Variants in TET3 observed in about 807,000 individuals in gnomAD.
The protein encoded by TET3 is tet methylcytosine dioxygenase 3.
Under a neutral mutation model 141.4 loss-of-function variants are expected in TET3, and 19 were observed. The observed-to-expected ratio is 0.13, with a 90% CI of 0.09 to 0.20. TET3 has a LOEUF of 0.20. TET3 is among the 10% of genes least tolerant of loss of function. The probability of loss-of-function intolerance (pLI) is 1.00; values close to 1 mark genes in which losing one functional copy is unlikely to be tolerated. For synonymous variants in TET3, 1,043 were observed against 980.9 expected (o/e 1.06, Z -1.18); for missense variants, 1,874 against 2,356.9 (o/e 0.80, Z 4.24).
chr2:74,080,647 G>A (rs1689757231), intron 6 of TET3, 56 bp downstream of exon 6: 1 of 1,430,640 alleles, frequency 7.0e-7, no homozygotes, highest in African/African-American at 1.4e-5. Context: ...CTTGCTGCAT[G>A]GCCACGGCTG....
Position 74,087,758 on chromosome 2 carries a change from A to G in TET3, c.2680-72A>G, listed in dbSNP as rs532021441. On this transcript the variant is annotated intron_variant, in intron 6 of 11. Coordinates refer to ENST00000409262, the MANE Select transcript of TET3 (RefSeq NM_001287491.2). This position sits in a 1 kb window ranked among gnomAD's most constrained non-coding sequence, Gnocchi z 4.3. ...ACCTGCACCCTGGGTCTGTGTGACA[A>G]AGGGAGGGGTGGCACCATGCAGAGG... The G allele has an allele frequency of 2.0e-5, 29 of 1,427,104 alleles. No homozygotes were observed. In the African/African-American group the frequency reaches 3.8e-4, roughly 19 times the overall value. The allele number at this position is 1,427,104 out of a possible 1,614,324, so 88.4% of individuals were successfully genotyped here.
chr2:74,003,996 C>CT (rs2105151691), intron 3 of TET3, among the ~76,000 whole-genome samples: 1 of 152,224 alleles, frequency 6.6e-6, no homozygotes, highest in Admixed American at 6.5e-5. Context: ...CTTTTCAGGG[C>CT]TAAGGAGCCA....
At chr2:74,044,664 G>A (rs911386810) in intron 3 of TET3, among the ~76,000 whole-genome samples, 10 of 152,214 alleles carry the variant, frequency 6.6e-5, no homozygotes, top group Non-Finnish European at 8.8e-5. Context: ...CCAGCATCGC[G>A]AAAGTGTTGC....
chr2:74,050,474 A>G (rs1162194029), intron 4 of TET3, among the ~76,000 whole-genome samples: 2 of 152,214 alleles, frequency 1.3e-5, no homozygotes, highest in Non-Finnish European at 2.9e-5. Context: ...GTTACCATAT[A>G]TTAATTACCT....
At position 74,087,060 on chromosome 2, in the gene TET3, G is replaced by C. The variant is rs1384687469; in HGVS notation, c.2680-770G>C. Among the ~76,000 whole-genome samples the C allele has an allele frequency of 6.6e-6, 1 of 152,090 alleles. No homozygotes were observed. Among genetic ancestry groups the C allele is most frequent in the Non-Finnish European group, 1.5e-5 (1 of 68,028 alleles). On this transcript the variant is annotated intron_variant, in intron 6 of 11. Transcript: ENST00000409262. This position sits in a 1 kb window ranked among gnomAD's most constrained non-coding sequence, Gnocchi z 4.3. ...CTGTTCTGGGTGTCTCATGTCAGTG[G>C]AATCATGTACTATGTGTCCTTTTGT...
intron 2 of TET3, among the ~76,000 whole-genome samples, chr2:73,997,800 C>T (rs1558696654): frequency 6.6e-6 from 1 of 152,192 alleles, no homozygotes; most frequent in Non-Finnish European, 1.5e-5. Flanking sequence ...CACATTAACT[C>T]TGTGTGTCCT....
chr2:74,016,128 C>T (rs771006227), intron 3 of TET3, among the ~76,000 whole-genome samples: 13 of 151,642 alleles, frequency 8.6e-5, no homozygotes, highest in Non-Finnish European at 1.6e-4. Flanking sequence ...AGTGCTTTGG[C>T]AGGCCAAGGC....
In TET3 at chr2:74,100,484, C is replaced by G; in HGVS notation, c.3696C>G (p.Ser1232Arg). The G allele has an allele frequency of 6.3e-7, 1 of 1,597,188 alleles. No homozygotes were observed. Among genetic ancestry groups the G allele is most frequent in the Non-Finnish European group, 8.5e-7 (1 of 1,171,980 alleles). Residue 1232 changes from serine to arginine, a missense_variant, in exon 12 of 12, where the codon AGC (serine) becomes AGG (arginine). Coordinates refer to ENST00000409262, the MANE Select transcript of TET3 (RefSeq NM_001287491.2). ...PQNHFSSFKY[S>R]GNAVVESYSV... Reference sequence around the variant, plus strand: ...ACCACTTCAGCTCCTTCAAGTACAGCGGCAACGCGGTGGTGGAGAGCTACT... The same window carrying G: ...ACCACTTCAGCTCCTTCAAGTACAGGGGCAACGCGGTGGTGGAGAGCTACT...
At chr2:74,050,620 GCT>G (rs1192048805) in intron 4 of TET3, among the ~76,000 whole-genome samples, 1 of 152,086 alleles carries the variant, frequency 6.6e-6, no homozygotes, top group African/African-American at 2.4e-5. Flanking sequence ...CATGATCTCT[GCT>G]CACTGTAGCC....
the TET3 span, chr2:74,122,505 A>AT: frequency 1.4e-4 from 9 of 66,474 alleles, no homozygotes; most frequent in African/African-American, 5.9e-4. Flanking sequence ...ATATATATAT[A>AT]TATATATTTT....
At chr2:74,115,687 T>A in the TET3 span, among the ~76,000 whole-genome samples, 2 of 152,114 alleles carry the variant, frequency 1.3e-5, no homozygotes, top group African/African-American at 4.8e-5. Flanking sequence ...TTTGCTTCTA[T>A]AAATTAAAAA....
At chr2:73,993,582 A>G (rs1000521498) in intron 2 of TET3, 5 of 152,212 alleles carry the variant, frequency 3.3e-5, no homozygotes, top group Non-Finnish European at 7.3e-5. Context: ...CCAGCAGGGT[A>G]AAGAGGATGA....
chr2:73,984,242 C>G (rs1310712237), upstream of TET3, among the ~76,000 whole-genome samples: 1 of 152,222 alleles, frequency 6.6e-6, no homozygotes, highest in Non-Finnish European at 1.5e-5. The surrounding 1 kb of genome is among the most constrained non-coding windows in gnomAD (Gnocchi z 5.6). Context: ...GTTTTCGACG[C>G]GAAAGAATCG....
chr2:74,016,512 A>G (rs1685735569), intron 3 of TET3, among the ~76,000 whole-genome samples: 1 of 152,068 alleles, frequency 6.6e-6, no homozygotes, highest in East Asian at 1.9e-4. Context: ...ACTTGAGGTC[A>G]GGAGTTCCAG....
chr2:74,075,621 G>A (rs548797703), intron 5 of TET3, among the ~76,000 whole-genome samples: 1 of 152,286 alleles, frequency 6.6e-6, no homozygotes. Context: ...GAGCCACCGT[G>A]CCTGGCAAGG....
chr2:74,048,317 G>A lies in TET3; in HGVS notation c.2400G>A (p.Glu800=). ...PLTPTLSGFL[E]SPLKYLDTPT... ...CACCCACCCTCAGTGGCTTCTTGGAGTCACCTCTTAAGTACCTGGACACAC... is the reference window on the plus strand; with the variant it reads ...CACCCACCCTCAGTGGCTTCTTGGAATCACCTCTTAAGTACCTGGACACAC... The change falls in exon 4 of 12, where the codon GAG becomes GAA. Residue 800 remains glutamate, a synonymous_variant. Transcript: ENST00000409262. The A allele has an allele frequency of 1.2e-6, 2 of 1,613,850 alleles. No individual in the cohort carries two copies. Among genetic ancestry groups the A allele is most frequent in the Non-Finnish European group, 1.7e-6 (2 of 1,179,872 alleles).
rs1428589226 is a variant in TET3 at position 74,101,591 on chromosome 2, G to A, written c.4803G>A (p.Lys1601=). 1 of 1,610,382 alleles carries A rather than the reference G, an allele frequency of 6.2e-7. No homozygotes were observed. Among genetic ancestry groups the A allele is most frequent in the South Asian group, 1.1e-5 (1 of 90,726 alleles). Residue 1601 remains lysine (K), a synonymous_variant, in exon 12 of 12, where the codon AAG becomes AAA. Transcript: ENST00000409262. The surrounding 1 kb of genome is among the most constrained non-coding windows in gnomAD (Gnocchi z 8.5). ...KLFGALKSEE[K]LWDPFSLEEG... is the part of the protein sequence containing the mutation. ...TTGGGGCTCTGAAGTCAGAGGAGAA[G>A]CTGTGGGACCCCTTCAGCCTGGAGG...
At chr2:74,090,097 G>C (rs1435103399) in intron 8 of TET3, 50 bp downstream of exon 8, 1 of 1,601,780 alleles carries the variant, frequency 6.2e-7, no homozygotes, top group Admixed American at 1.7e-5. Flanking sequence ...CTCGCCTGGC[G>C]TCCTTCATGG....
chr2:74,062,070 G>A (rs1228337338), intron 4 of TET3, among the ~76,000 whole-genome samples: 4 of 152,214 alleles, frequency 2.6e-5, no homozygotes, highest in Non-Finnish European at 5.9e-5. Context: ...CAAGGCAGGT[G>A]GCTGGGAGGT....
Sources: gnomAD v4.1 joint callset for allele counts (sites outside exome capture counted in the v4.1 genomes callset) on GRCh38, gnomAD v4.1.1 for gene constraint, Gnocchi (gnomAD v3.1) non-coding constraint, MANE v1.5 for transcripts, NCBI Gene and HGNC (gene_info 2026-07-23, HGNC 2026-07-21) for gene names.